TMEM164: variants seen among roughly 807,000 people sequenced by gnomAD.
TMEM164 encodes the protein transmembrane protein 164.
Under a neutral mutation model 18.8 loss-of-function variants are expected in TMEM164, and 4 were observed. The ratio of observed to expected loss-of-function variants is 0.21; its 90% confidence interval spans 0.10 to 0.49. The LOEUF (loss-of-function observed/expected upper bound fraction) is 0.49. Among genes scored for constraint, TMEM164 ranks in the 20% least tolerant of loss-of-function variants. The pLI is 0.98. For missense variants in TMEM164, 108 were observed against 239.9 expected, an observed-to-expected ratio of 0.45 and a Z score of 3.63; for synonymous variants, 86 against 101.7, an observed-to-expected ratio of 0.85 and a Z score of 0.93.
intron 2 of TMEM164, among the ~76,000 whole-genome samples, chrX:110,034,570 G>T (rs1282328883): frequency 8.9e-6 from 1 of 111,960 alleles, no homozygotes; most frequent in Non-Finnish European, 1.9e-5. Flanking sequence ...ATACAAATCA[G>T]TCAGTGGGCC....
At chrX:110,161,945 T>C (rs1397202138) in intron 5 of TMEM164, among the ~76,000 whole-genome samples, 1 of 112,462 alleles carries the variant, frequency 8.9e-6, no homozygotes, top group African/African-American at 3.2e-5. Flanking sequence ...AGGGAACCTG[T>C]TATTAATAAA....
intron 5 of TMEM164, among the ~76,000 whole-genome samples, chrX:110,155,893 C>G (rs1352510551): frequency 9.0e-6 from 1 of 111,611 alleles, no homozygotes; most frequent in Non-Finnish European, 1.9e-5. Context: ...ATCACTTTAC[C>G]TTCTGGTTTT....
chrX:110,172,388 C>T (rs913035627), intron 6 of TMEM164, among the ~76,000 whole-genome samples: 4 of 112,077 alleles, frequency 3.6e-5, no homozygotes, highest in Admixed American at 9.3e-5. Flanking sequence ...TGGAGCCTCG[C>T]GTGACCTAGC....
chrX:110,059,444 T>C (rs751365025), intron 2 of TMEM164, among the ~76,000 whole-genome samples: 1 of 111,751 alleles, frequency 8.9e-6, no homozygotes, highest in Non-Finnish European at 1.9e-5. Flanking sequence ...GGTTTGGCTG[T>C]TTGGGGTCCC....
At chrX:110,099,509 A>G (rs778016481) in intron 3 of TMEM164, among the ~76,000 whole-genome samples, 1 of 112,526 alleles carries the variant, frequency 8.9e-6, no homozygotes, top group Admixed American at 9.4e-5. Flanking sequence ...ACTATTTTCA[A>G]AAATCAAATG....
chrX:110,164,552 G>A (rs2067134751), intron 5 of TMEM164, among the ~76,000 whole-genome samples: 1 of 111,440 alleles, frequency 9.0e-6, no homozygotes, highest in South Asian at 3.8e-4. Flanking sequence ...TGGCTGAGAT[G>A]TGGTAGAGAG....
chrX:110,069,130 T>C (rs1475067012), intron 3 of TMEM164, among the ~76,000 whole-genome samples: 1 of 111,819 alleles, frequency 8.9e-6, no homozygotes, highest in East Asian at 2.8e-4. Flanking sequence ...TACCCTTATA[T>C]ACTGTTGCTT....
intron 2 of TMEM164, among the ~76,000 whole-genome samples, chrX:110,060,280 A>AAAAG (rs1555993993): frequency 1.9e-5 from 2 of 108,070 alleles, no homozygotes; most frequent in African/African-American, 3.4e-5. Context: ...AAAAAAAAAA[A>AAAAG]AAAAGAAAAG....
chrX:110,081,613 T>C (rs181002933), intron 3 of TMEM164, among the ~76,000 whole-genome samples: 1 of 112,524 alleles, frequency 8.9e-6, no homozygotes, highest in Admixed American at 9.4e-5. Context: ...CTGAAGTGAA[T>C]ATTTTCTACT....
At chrX:110,055,631 G>A (rs1026268893) in intron 2 of TMEM164, among the ~76,000 whole-genome samples, 1 of 111,543 alleles carries the variant, frequency 9.0e-6, no homozygotes, top group Non-Finnish European at 1.9e-5. Flanking sequence ...ACGTACCTTC[G>A]TTCTTTCAGT....
At chrX:110,049,113 G>A (rs1351371817) in intron 2 of TMEM164, among the ~76,000 whole-genome samples, 1 of 112,145 alleles carries the variant, frequency 8.9e-6, no homozygotes, top group African/African-American at 3.2e-5. Flanking sequence ...GTTTTATGTA[G>A]TTCTTATAGA....
chrX:110,043,331 T>C (rs1935176980), intron 2 of TMEM164, among the ~76,000 whole-genome samples: 1 of 112,759 alleles, frequency 8.9e-6, no homozygotes, highest in Non-Finnish European at 1.9e-5. Context: ...GAGCACATCA[T>C]ATGCTAGATG....
At position 110,174,137 on chromosome X, in the gene TMEM164, A is replaced by T. The variant is rs1376819420; in HGVS notation, c.*686A>T. On this transcript the variant is annotated 3_prime_UTR_variant, in exon 7 of 7. Transcript: ENST00000372068. ...ATTGAGAGGGTTGGAGATCTATTGCAATGACAAATCCAAAGTGAAGAGGGT... is the reference window on the plus strand; with the variant it reads ...ATTGAGAGGGTTGGAGATCTATTGCTATGACAAATCCAAAGTGAAGAGGGT... 1 of 111,856 alleles carries T rather than the reference A, an allele frequency of 8.9e-6. No individual in the cohort carries two copies. The highest frequency in any genetic ancestry group is 3.3e-5 in the African/African-American group (1 of 30,515). The allele number at this position is 111,856 out of a possible 1,213,427, so 9.2% of individuals were successfully genotyped here. A position where few individuals can be genotyped will look rare whatever the true frequency, so the allele number is the denominator to read the frequency against.
At chrX:110,095,846 G>A (rs761000405) in intron 3 of TMEM164, among the ~76,000 whole-genome samples, 12 of 112,250 alleles carry the variant, frequency 1.1e-4, no homozygotes, top group East Asian at 2.8e-4. Flanking sequence ...TGATGATGAT[G>A]ACGTACAGAT....
intron 2 of TMEM164, among the ~76,000 whole-genome samples, chrX:110,030,499 G>A (rs1430646582): frequency 1.9e-5 from 2 of 106,145 alleles, no homozygotes; most frequent in Admixed American, 2.1e-4. Context: ...AAAGGCCAAC[G>A]GATCAAGAGA....
intron 2 of TMEM164, among the ~76,000 whole-genome samples, chrX:110,055,761 C>T (rs181537344): frequency 1.1e-3 from 122 of 110,803 alleles, no homozygotes; most frequent in African/African-American, 3.8e-3. Context: ...GAAGATGAGT[C>T]AGGAGGAGAG....
In TMEM164 at chrX:110,076,172, A is replaced by G. The variant is rs1339066346; in HGVS notation, c.440+8776A>G. ...CAATTTCAGAACTTGTTATTTGCCC[A>G]AGGTTTTAGTTTCTTCCTGATTCAT... On this transcript the variant is annotated intron_variant, in intron 3 of 6. Coordinates refer to ENST00000372068, the MANE Select transcript of TMEM164 (RefSeq NM_032227.4). Among the ~76,000 whole-genome samples, 3 of 109,698 alleles carry G rather than the reference A, an allele frequency of 2.7e-5. No homozygotes were observed. In the South Asian group the frequency reaches 1.2e-3, roughly 42 times the overall value.
At chrX:110,122,214 G>A (rs113420165) in intron 4 of TMEM164, among the ~76,000 whole-genome samples, 3,888 of 107,948 alleles carry the variant, frequency 0.036, 193 homozygotes, top group African/African-American at 0.12. Flanking sequence ...AGAAAATGTG[G>A]CACATATACA....
At chrX:110,133,028 A>C (rs1401191932) in intron 4 of TMEM164, among the ~76,000 whole-genome samples, 1 of 112,115 alleles carries the variant, frequency 8.9e-6, no homozygotes, top group Non-Finnish European at 1.9e-5. Context: ...TCTAAACTCA[A>C]GGTTTTGGCA....
Sources: gnomAD v4.1 joint callset for allele counts (sites outside exome capture counted in the v4.1 genomes callset) on GRCh38, gnomAD v4.1.1 for gene constraint, MANE v1.5 for transcripts, NCBI Gene and HGNC (gene_info 2026-07-23, HGNC 2026-07-21) for gene names.